GPR141: variants seen among roughly 807,000 people sequenced by gnomAD.
The protein encoded by GPR141 is G protein-coupled receptor 141, also known as probable G protein-coupled receptor 141.
GPR141 carries 6 observed loss-of-function variants against 6.8 expected under a neutral mutation model. The ratio of observed to expected loss-of-function variants is 0.88; its 90% CI spans 0.48 to 1.74. The LOEUF is 1.74. Among genes scored for constraint, GPR141 ranks in the 40% most tolerant of loss-of-function variants. The pLI, the probability that GPR141 is intolerant of heterozygous loss-of-function variation, is 0.01. For synonymous variants in GPR141, 140 were observed against 142.3 expected, an observed-to-expected ratio of 0.98 and a Z score of 0.11; for missense variants, 372 against 372.9, an observed-to-expected ratio of 1.00 and a Z score of 0.02.
intron 2 of GPR141, among the ~76,000 whole-genome samples, chr7:37,687,465 A>G (rs1210985135): frequency 6.6e-6 from 1 of 152,110 alleles, no homozygotes; most frequent in Non-Finnish European, 1.5e-5. Flanking sequence ...TTGCTTTGGG[A>G]TACAATTATA....
chr7:37,694,320 A>C (rs1809921202), intron 2 of GPR141, among the ~76,000 whole-genome samples: 1 of 152,216 alleles, frequency 6.6e-6, no homozygotes, highest in Non-Finnish European at 1.5e-5. Context: ...GAGGCAATGC[A>C]CAGCCTTGGC....
intron 2 of GPR141, among the ~76,000 whole-genome samples, chr7:37,724,582 A>G (rs966053): frequency 0.3 from 45,570 of 152,028 alleles, 7,709 homozygotes; most frequent in African/African-American, 0.46. Context: ...GGGAGCTGCC[A>G]TCCCAGAATC....
intron 2 of GPR141, among the ~76,000 whole-genome samples, chr7:37,728,996 C>T (rs1036502375): frequency 6.6e-6 from 1 of 152,080 alleles, no homozygotes; most frequent in Non-Finnish European, 1.5e-5. Flanking sequence ...TTTAGCTGTA[C>T]ATTTGGGTCC....
chr7:37,713,010 G>C (rs1810881008), intron 2 of GPR141, among the ~76,000 whole-genome samples: 1 of 152,196 alleles, frequency 6.6e-6, no homozygotes, highest in Non-Finnish European at 1.5e-5. Context: ...AGAGGCATAG[G>C]GGAATGTACA....
At chr7:37,693,855 G>A (rs939194984) in intron 2 of GPR141, among the ~76,000 whole-genome samples, 3 of 152,180 alleles carry the variant, frequency 2.0e-5, no homozygotes, top group South Asian at 2.1e-4. Context: ...TCCCTTGGAT[G>A]TAGGGTGTCA....
At chr7:37,717,413 G>A (rs1035346699) in intron 2 of GPR141, among the ~76,000 whole-genome samples, 2 of 152,330 alleles carry the variant, frequency 1.3e-5, no homozygotes, top group African/African-American at 2.4e-5. Context: ...AGGAGGAGTA[G>A]ATAGTCAAAA....
At chr7:37,706,168 T>C (rs1290584787) in intron 2 of GPR141, among the ~76,000 whole-genome samples, 1 of 152,202 alleles carries the variant, frequency 6.6e-6, no homozygotes, top group Non-Finnish European at 1.5e-5. Context: ...TTCTCTTCAG[T>C]TCTACCTGCA....
chr7:37,691,703 T>C (rs570516034), intron 2 of GPR141, among the ~76,000 whole-genome samples: 2 of 152,340 alleles, frequency 1.3e-5, no homozygotes, highest in African/African-American at 4.8e-5. Context: ...TTGGTAAGGC[T>C]GGTGAGTGGT....
intron 2 of GPR141, among the ~76,000 whole-genome samples, chr7:37,691,060 A>T (rs1809737053): frequency 2.0e-5 from 3 of 152,144 alleles, no homozygotes; most frequent in Admixed American, 2.0e-4. Context: ...TTATCATTGT[A>T]TGATGACCTT....
At chr7:37,737,844 G>A (rs1812320642) in intron 2 of GPR141, among the ~76,000 whole-genome samples, 1 of 152,156 alleles carries the variant, frequency 6.6e-6, no homozygotes, top group African/African-American at 2.4e-5. Flanking sequence ...GAAAGGGTTC[G>A]GGTGGATATT....
rs138745583 is a variant in GPR141 at position 37,715,309 on chromosome 7, C to G, written c.-14-25071C>G. Among the ~76,000 whole-genome samples the G allele has an allele frequency of 2.0e-5, 3 of 152,202 alleles. No homozygotes were observed. The East Asian group carries it at 5.8e-4, about 29-fold the overall frequency. On this transcript the variant is annotated intron_variant, in intron 2 of 2. Transcript: ENST00000334425. ...TCTAATTCTTGTTTACAATTTATTT[C>G]TGTAGAGAAAGGATCTTACTATGTT...
rs181651122 is a variant in GPR141 at position 37,697,862 on chromosome 7, C to A, written c.-15+12279C>A. Among the ~76,000 whole-genome samples the A allele has an allele frequency of 4.8e-3, 729 of 152,238 alleles. 3 individuals carry two copies. Among genetic ancestry groups the A allele is most frequent in the Non-Finnish European group, 7.2e-3 (492 of 68,014 alleles). ...GATTATGAAGGCTAGTGGTTAGGAG[C>A]CTGGTTATCTCTCATCTTGTATAGT... On this transcript the variant is annotated intron_variant, in intron 2 of 2. Coordinates refer to ENST00000334425, the MANE Select transcript of GPR141 (RefSeq NM_001381946.1).
chr7:37,710,202 AT>A (rs1012377410), intron 2 of GPR141, among the ~76,000 whole-genome samples: 2 of 151,866 alleles, frequency 1.3e-5, no homozygotes, highest in African/African-American at 4.8e-5. Context: ...TCTTTTGGGT[AT>A]TTTTTTTCTG....
chr7:37,709,457 G>C (rs1348932209), intron 2 of GPR141, among the ~76,000 whole-genome samples: 1 of 151,914 alleles, frequency 6.6e-6, no homozygotes, highest in Non-Finnish European at 1.5e-5. Context: ...ACCTATTGCT[G>C]GTATCCCTCT....
At chr7:37,708,380 A>G (rs73344290) in intron 2 of GPR141, among the ~76,000 whole-genome samples, 3 of 147,996 alleles carry the variant, frequency 2.0e-5, no homozygotes, top group African/African-American at 7.4e-5. Flanking sequence ...TTAAGCAGAG[A>G]GTTGTTCTTG....
At chr7:37,728,695 G>A (rs1056376790) in intron 2 of GPR141, among the ~76,000 whole-genome samples, 3 of 151,852 alleles carry the variant, frequency 2.0e-5, no homozygotes, top group African/African-American at 7.3e-5. Flanking sequence ...AAGATACAAG[G>A]GAATAGCCAC....
intron 2 of GPR141, among the ~76,000 whole-genome samples, chr7:37,736,696 A>C (rs1812257646): frequency 6.6e-6 from 1 of 152,174 alleles, no homozygotes; most frequent in African/African-American, 2.4e-5. Flanking sequence ...TGTCTTGCAA[A>C]TATATCCTAA....
intron 2 of GPR141, among the ~76,000 whole-genome samples, chr7:37,730,582 C>A (rs375296379): frequency 2.0e-5 from 3 of 152,210 alleles, no homozygotes; most frequent in Non-Finnish European, 4.4e-5. Context: ...GTATATAACA[C>A]GCGTCAAAGC....
At chr7:37,734,713 T>C (rs1017318505) in intron 2 of GPR141, among the ~76,000 whole-genome samples, 4 of 152,304 alleles carry the variant, frequency 2.6e-5, no homozygotes, top group Non-Finnish European at 4.4e-5. Flanking sequence ...TCTTACCAAG[T>C]AGATCTTACC....
Sources: allele counts gnomAD v4.1 joint callset (sites outside exome capture counted in the v4.1 genomes callset), GRCh38; gene constraint gnomAD v4.1.1; transcripts MANE v1.5; gene names NCBI Gene and HGNC (gene_info 2026-07-23, HGNC 2026-07-21).